Variants in ARID1B observed in about 807,000 individuals in gnomAD.
ARID1B encodes AT-rich interactive domain-containing protein 1B.
In ARID1B, 30 loss-of-function variants were observed where a neutral mutation model predicts 212.3. That is an observed-to-expected ratio of 0.14 (90% CI 0.11 to 0.19). ARID1B has a LOEUF of 0.19. Among genes scored for constraint, ARID1B ranks in the 10% least tolerant of loss-of-function variants. The pLI, the probability that ARID1B is intolerant of heterozygous loss-of-function variation, is 1.00. For missense variants in ARID1B, 2,891 were observed against 3,204.0 expected, an observed-to-expected ratio of 0.90 and a Z score of 2.36; for synonymous variants, 1,402 against 1,301.7, an observed-to-expected ratio of 1.08 and a Z score of -1.66.
chr6:156,832,393 G>C (rs138663903), intron 2 of ARID1B, among the ~76,000 whole-genome samples: 1 of 152,362 alleles, frequency 6.6e-6, no homozygotes, highest in East Asian at 1.9e-4. Context: ...CAGGGAAAAA[G>C]TTGAAAGATA....
chr6:157,194,983 G>A (rs992331812), intron 15 of ARID1B: 1 of 152,108 alleles, frequency 6.6e-6, no homozygotes, highest in Non-Finnish European at 1.5e-5. Context: ...TTATCACTAG[G>A]TGATACAGCG....
intron 2 of ARID1B, among the ~76,000 whole-genome samples, chr6:156,897,127 T>C (rs550112318): frequency 1.3e-5 from 2 of 152,200 alleles, no homozygotes; most frequent in Non-Finnish European, 2.9e-5. Flanking sequence ...GTTGTGTGTG[T>C]TCATGTCTTA....
chr6:157,127,557 G>T lies in ARID1B; in HGVS notation c.2582-5471G>T, dbSNP rs549104343. 1.2e-3 allele frequency among the ~76,000 whole-genome samples: 189 copies of T among 151,672 alleles called. 3 individuals carry two copies. The highest frequency in any genetic ancestry group is 4.4e-4 in the Non-Finnish European group (30 of 67,918). Reference sequence around the variant, plus strand: ...GAGGCCGAGGTGGGCGGATCACAAGGTCAGGAGATCGAGACCATCCTGGCT... The same window carrying T: ...GAGGCCGAGGTGGGCGGATCACAAGTTCAGGAGATCGAGACCATCCTGGCT... On this transcript the variant is annotated intron_variant, in intron 6 of 19. Coordinates refer to ENST00000636930, the MANE Select transcript of ARID1B (RefSeq NM_001374828.1).
chr6:156,943,485 A>G (rs1792829634), intron 4 of ARID1B: 1 of 152,016 alleles, frequency 6.6e-6, no homozygotes, highest in Non-Finnish European at 1.5e-5. Context: ...ATTCTTTAAA[A>G]AAAAAAAAAA....
At position 157,094,855 on chromosome 6, in the gene ARID1B, G is replaced by A. The variant is rs1224765697; in HGVS notation, c.2491+9950G>A. The stretch of plus-strand genomic sequence containing the variant: ...TGGCCGCTTGGATGTGCACATAGCG[G>A]GAGTAGTGGCAGAAGGAGTTTGGCC... On this transcript the variant is annotated intron_variant, in intron 5 of 19. Transcript: ENST00000636930. The surrounding 1 kb of genome is among the most constrained non-coding windows in gnomAD (Gnocchi z 4.3). 1.3e-5 allele frequency among the ~76,000 whole-genome samples: 2 copies of A among 152,176 alleles called. No homozygotes were observed. The highest frequency in any genetic ancestry group is 2.9e-5 in the Non-Finnish European group (2 of 68,040).
Position 156,882,583 on chromosome 6 carries a change from T to G in ARID1B, c.1987-18793T>G, listed in dbSNP as rs144836390. Among the ~76,000 whole-genome samples, 31 of 152,314 alleles carry G rather than the reference T, an allele frequency of 2.0e-4. No homozygotes were observed. The East Asian group carries it at 6.0e-3, about 29-fold the overall frequency. On this transcript the variant is annotated intron_variant, in intron 2 of 19. Transcript: ENST00000636930. ...TTGCCTTTTTCTTTCATTGCTGTGG[T>G]CTCTTTCAATCAGGAGACCAGAAAT...
chr6:157,191,620 G>C (rs1417021146), intron 15 of ARID1B, among the ~76,000 whole-genome samples: 1 of 152,184 alleles, frequency 6.6e-6, no homozygotes, highest in Non-Finnish European at 1.5e-5. Flanking sequence ...GTGGCACTGA[G>C]GCTGTGACTG....
At chr6:156,790,895 T>C (rs1779964982) in intron 1 of ARID1B, among the ~76,000 whole-genome samples, 2 of 152,234 alleles carry the variant, frequency 1.3e-5, no homozygotes, top group African/African-American at 4.8e-5. Context: ...AATTAATTAC[T>C]GAAGAGGGAA....
chr6:156,783,814 C>G (rs1345863768), intron 1 of ARID1B, among the ~76,000 whole-genome samples: 1 of 152,168 alleles, frequency 6.6e-6, no homozygotes, highest in East Asian at 1.9e-4. Context: ...TCTTGCAGCT[C>G]TACACTGGAC....
intron 4 of ARID1B, among the ~76,000 whole-genome samples, chr6:157,014,223 G>T (rs1779777399): frequency 6.6e-6 from 1 of 152,164 alleles, no homozygotes; most frequent in African/African-American, 2.4e-5. Context: ...TAGCAATATT[G>T]TCAGCATCGT....
intron 8 of ARID1B, among the ~76,000 whole-genome samples, chr6:157,163,868 C>T (rs551663793): frequency 1.3e-5 from 2 of 152,346 alleles, no homozygotes; most frequent in East Asian, 3.9e-4. Context: ...GTGTTAGAGT[C>T]CCATAGAGAA....
chr6:157,063,296 A>G (rs1459393939), intron 4 of ARID1B, among the ~76,000 whole-genome samples: 1 of 152,152 alleles, frequency 6.6e-6, no homozygotes, highest in East Asian at 1.9e-4. Flanking sequence ...ACTGAGCAGC[A>G]AGCAAATACC....
intron 6 of ARID1B, among the ~76,000 whole-genome samples, chr6:157,123,676 G>C (rs968188426): frequency 1.3e-5 from 2 of 152,246 alleles, no homozygotes; most frequent in Non-Finnish European, 1.5e-5. Context: ...AACCTGGCAA[G>C]AGAAATTAGT....
At chr6:156,813,852 G>C (rs765483464) in intron 1 of ARID1B, among the ~76,000 whole-genome samples, 54 of 152,108 alleles carry the variant, frequency 3.6e-4, no homozygotes, top group Non-Finnish European at 1.9e-4. Flanking sequence ...ACTGGGAGCT[G>C]TTGCTGTTTT....
chr6:156,926,872 G>T (rs767506125), intron 3 of ARID1B, among the ~76,000 whole-genome samples: 40 of 152,090 alleles, frequency 2.6e-4, no homozygotes, highest in Non-Finnish European at 4.3e-4. Context: ...AGTAGAGACA[G>T]GGTTTCACCA....
chr6:157,062,851 G>A (rs979266489), intron 4 of ARID1B, among the ~76,000 whole-genome samples: 12 of 151,398 alleles, frequency 7.9e-5, no homozygotes, highest in South Asian at 4.2e-4. Flanking sequence ...TTATAGGTGC[G>A]CACCAGCACA....
chr6:156,827,481 G>A (rs1782819788), intron 1 of ARID1B, among the ~76,000 whole-genome samples: 1 of 152,228 alleles, frequency 6.6e-6, no homozygotes, highest in Admixed American at 6.5e-5. Context: ...GCTGGGTCAG[G>A]TGCCCAAGGG....
At chr6:157,033,040 A>G (rs1455755741) in intron 4 of ARID1B, among the ~76,000 whole-genome samples, 5 of 152,218 alleles carry the variant, frequency 3.3e-5, no homozygotes, top group Non-Finnish European at 7.3e-5. Context: ...TCACTGTTAC[A>G]AACAACTCCA....
intron 4 of ARID1B, among the ~76,000 whole-genome samples, chr6:157,021,821 A>G (rs1378943051): frequency 2.6e-5 from 4 of 151,694 alleles, no homozygotes; most frequent in Non-Finnish European, 5.9e-5. Flanking sequence ...TCGCGTACAC[A>G]TGAGCCGGCG....
Sources: allele counts gnomAD v4.1 joint callset (sites outside exome capture counted in the v4.1 genomes callset), GRCh38; gene constraint gnomAD v4.1.1; non-coding constraint Gnocchi (gnomAD v3.1); transcripts MANE v1.5; gene names NCBI Gene and HGNC (gene_info 2026-07-23, HGNC 2026-07-21).